DAB1: variants seen among roughly 807,000 people sequenced by gnomAD.
DAB1 encodes disabled homolog 1.
A neutral mutation model predicts 64.6 loss-of-function variants in DAB1; 15 were observed. The observed-to-expected ratio is 0.23, with a 90% CI of 0.16 to 0.36. The LOEUF (loss-of-function observed/expected upper bound fraction) is 0.36. DAB1 is among the 10% of genes least tolerant of loss of function. The probability of loss-of-function intolerance (pLI) is 1.00; values close to 1 mark genes in which losing one functional copy is unlikely to be tolerated. For missense variants in DAB1, 596 were observed against 706.7 expected, an observed-to-expected ratio of 0.84 and a Z score of 1.78; for synonymous variants, 235 against 251.9, an observed-to-expected ratio of 0.93 and a Z score of 0.64.
At chr1:57,839,030 C>T (rs1202246297) in intron 1 of DAB1, among the ~76,000 whole-genome samples, 1 of 152,118 alleles carries the variant, frequency 6.6e-6, no homozygotes, top group Non-Finnish European at 1.5e-5. Flanking sequence ...ATCCTCCCAT[C>T]TAGGCCTCCC....
intron 5 of DAB1, among the ~76,000 whole-genome samples, chr1:58,079,679 C>A (rs1486424619): frequency 6.6e-6 from 1 of 151,846 alleles, no homozygotes; most frequent in Admixed American, 6.6e-5. Context: ...TGCCACCACG[C>A]CTGGCTAATT....
chr1:58,404,407 A>T (rs568805722), intron 3 of DAB1, among the ~76,000 whole-genome samples: 2 of 152,182 alleles, frequency 1.3e-5, no homozygotes, highest in South Asian at 4.1e-4. Flanking sequence ...GTCATCTTTG[A>T]TGTGAGTCCT....
At chr1:57,197,660 C>A (rs1353764831) in intron 2 of DAB1, among the ~76,000 whole-genome samples, 1 of 152,180 alleles carries the variant, frequency 6.6e-6, no homozygotes, top group Non-Finnish European at 1.5e-5. Flanking sequence ...CCACGGACTA[C>A]TCAGGAGAGC....
intron 3 of DAB1, among the ~76,000 whole-genome samples, chr1:58,376,259 A>T (rs1452199070): frequency 1.4e-5 from 2 of 141,376 alleles, no homozygotes; most frequent in Admixed American, 1.4e-4. Flanking sequence ...TAGTTCTTTT[A>T]ATTGTGATGT....
At chr1:58,227,317 G>T (rs960341479) in intron 4 of DAB1, among the ~76,000 whole-genome samples, 2 of 152,176 alleles carry the variant, frequency 1.3e-5, no homozygotes, top group African/African-American at 4.8e-5. Flanking sequence ...GATTTGTCTG[G>T]AGAGGCTGAA....
At chr1:58,188,280 T>G (rs1257963544) in intron 4 of DAB1, among the ~76,000 whole-genome samples, 2 of 152,242 alleles carry the variant, frequency 1.3e-5, no homozygotes, top group East Asian at 3.8e-4. Flanking sequence ...CATACGCGGC[T>G]AGTATTCAAA....
At chr1:58,096,134 A>C (rs190218638) in intron 5 of DAB1, among the ~76,000 whole-genome samples, 666 of 152,378 alleles carry the variant, frequency 4.4e-3, no homozygotes, top group Non-Finnish European at 8.0e-3. Context: ...CTTTAAAAAG[A>C]AATGATATTA....
At chr1:57,594,879 T>G (rs1364208637) in intron 7 of DAB1, among the ~76,000 whole-genome samples, 1 of 151,836 alleles carries the variant, frequency 6.6e-6, no homozygotes, top group African/African-American at 2.4e-5. Context: ...CCTGGCTAAT[T>G]TTTTGTATTT....
intron 5 of DAB1, among the ~76,000 whole-genome samples, chr1:58,025,434 G>C (rs1195591586): frequency 6.6e-6 from 1 of 151,676 alleles, no homozygotes; most frequent in Non-Finnish European, 1.5e-5. Flanking sequence ...GTTTGGTTGA[G>C]AAAACTAGAA....
intron 5 of DAB1, among the ~76,000 whole-genome samples, chr1:58,021,445 T>A (rs1046037188): frequency 6.6e-6 from 1 of 152,226 alleles, no homozygotes; most frequent in African/African-American, 2.4e-5. Context: ...CAAATTCACA[T>A]GGCTAGCAAA....
intron 1 of DAB1, among the ~76,000 whole-genome samples, chr1:57,330,782 A>G (rs909657389): frequency 6.6e-6 from 1 of 151,612 alleles, no homozygotes; most frequent in African/African-American, 2.4e-5. Context: ...GGAGCTCCAC[A>G]CTATGGTCCA....
chr1:57,451,695 T>C (rs1686373603), intron 7 of DAB1, among the ~76,000 whole-genome samples: 1 of 152,180 alleles, frequency 6.6e-6, no homozygotes, highest in South Asian at 2.1e-4. Context: ...AAGTCGCTTA[T>C]ACATTGTTAC....
At chr1:57,593,441 T>C (rs146006298) in intron 7 of DAB1, among the ~76,000 whole-genome samples, 2 of 152,362 alleles carry the variant, frequency 1.3e-5, no homozygotes, top group African/African-American at 4.8e-5. Context: ...CTTTTGGTAC[T>C]GTGAATAATG....
intron 7 of DAB1, among the ~76,000 whole-genome samples, chr1:57,493,614 G>C (rs1407373997): frequency 6.6e-6 from 1 of 152,152 alleles, no homozygotes; most frequent in Non-Finnish European, 1.5e-5. Flanking sequence ...GGATGGAGCT[G>C]TGTATTATAT....
intron 3 of DAB1, among the ~76,000 whole-genome samples, chr1:58,434,848 T>A (rs1394631140): frequency 6.6e-6 from 1 of 152,224 alleles, no homozygotes. Flanking sequence ...AAAAATAACC[T>A]AATTTCACAG....
chr1:57,720,082 C>T (rs756416328), intron 6 of DAB1, among the ~76,000 whole-genome samples: 1 of 152,142 alleles, frequency 6.6e-6, no homozygotes, highest in Non-Finnish European at 1.5e-5. Flanking sequence ...GAGTCACACT[C>T]CTCAAGAATC....
intron 6 of DAB1, among the ~76,000 whole-genome samples, chr1:57,754,727 G>T (rs548871406): frequency 6.6e-6 from 1 of 151,934 alleles, no homozygotes; most frequent in African/African-American, 2.4e-5. Flanking sequence ...ACAAACAAAC[G>T]AACAAAACAA....
intron 7 of DAB1, among the ~76,000 whole-genome samples, chr1:57,517,805 A>G (rs896662275): frequency 2.0e-5 from 3 of 152,238 alleles, no homozygotes; most frequent in African/African-American, 7.2e-5. Flanking sequence ...CTAAGGGGGC[A>G]CATTCTCCAC....
chr1:58,450,776 A>G (rs1262790553), intron 3 of DAB1, among the ~76,000 whole-genome samples: 1 of 152,216 alleles, frequency 6.6e-6, no homozygotes, highest in Non-Finnish European at 1.5e-5. Flanking sequence ...AAAATAAAAT[A>G]AAACAGTAAC....
Sources: allele counts gnomAD v4.1 joint callset (sites outside exome capture counted in the v4.1 genomes callset), GRCh38; gene constraint gnomAD v4.1.1; transcripts MANE v1.5; gene names NCBI Gene and HGNC (gene_info 2026-07-23, HGNC 2026-07-21).